DPP10: variants seen among roughly 807,000 people sequenced by gnomAD.
DPP10 encodes dipeptidyl peptidase like 10, also known as inactive dipeptidyl peptidase 10.
In DPP10, 33 loss-of-function variants were observed where a neutral mutation model predicts 120.9. The ratio of observed to expected loss-of-function variants is 0.27; its 90% CI spans 0.21 to 0.37. DPP10 has a LOEUF of 0.37. Ranked by LOEUF, DPP10 falls within the 10% of genes least tolerant of loss-of-function variation. DPP10 has a pLI of 1.00. For synonymous variants in DPP10, 337 were observed against 326.1 expected, an observed-to-expected ratio of 1.03 and a Z score of -0.36; for missense variants, 816 against 942.8, an observed-to-expected ratio of 0.87 and a Z score of 1.76.
chr2:115,397,500 A>G (rs2067767842), intron 3 of DPP10, among the ~76,000 whole-genome samples: 1 of 152,234 alleles, frequency 6.6e-6, no homozygotes, highest in African/African-American at 2.4e-5. Context: ...GTCTTCTGAC[A>G]TTCAATAAAA....
At chr2:115,703,530 C>T (rs2091975268) in intron 7 of DPP10, among the ~76,000 whole-genome samples, 1 of 151,960 alleles carries the variant, frequency 6.6e-6, no homozygotes, top group Non-Finnish European at 1.5e-5. Context: ...GTCTTGAGTC[C>T]TAAATCTGTC....
intron 1 of DPP10, among the ~76,000 whole-genome samples, chr2:115,055,343 A>C (rs939086616): frequency 1.3e-5 from 2 of 152,156 alleles, no homozygotes; most frequent in African/African-American, 4.8e-5. Flanking sequence ...TACTAATAAA[A>C]CTTACTCCAA....
At chr2:114,632,349 A>C (rs1045860876) in intron 1 of DPP10, among the ~76,000 whole-genome samples, 1 of 152,044 alleles carries the variant, frequency 6.6e-6, no homozygotes, top group Non-Finnish European at 1.5e-5. Flanking sequence ...ATACATTCTT[A>C]ATAAATTACA....
At chr2:115,328,903 G>A (rs56394941) in intron 2 of DPP10, among the ~76,000 whole-genome samples, 2 of 152,018 alleles carry the variant, frequency 1.3e-5, no homozygotes, top group African/African-American at 4.8e-5. Context: ...GGTTGAATTA[G>A]GACTAAAATA....
intron 3 of DPP10, among the ~76,000 whole-genome samples, chr2:115,436,979 A>G (rs2071556549): frequency 1.3e-5 from 2 of 151,940 alleles, no homozygotes; most frequent in African/African-American, 4.8e-5. Flanking sequence ...AAAGTATAAG[A>G]TACAATATTT....
chr2:115,547,765 CAAA>C (rs566808076), intron 5 of DPP10, among the ~76,000 whole-genome samples: 8 of 71,826 alleles, frequency 1.1e-4, no homozygotes, highest in Admixed American at 1.6e-4. Context: ...ATCCTATCTC[CAAA>C]AAAAAAAAAA....
At chr2:114,761,188 T>C (rs905807727) in intron 1 of DPP10, among the ~76,000 whole-genome samples, 1 of 152,180 alleles carries the variant, frequency 6.6e-6, no homozygotes, top group Non-Finnish European at 1.5e-5. Context: ...CAGTGTACAG[T>C]ATTCCAATGA....
chr2:115,134,311 C>T (rs768500990), intron 1 of DPP10, among the ~76,000 whole-genome samples: 6 of 152,202 alleles, frequency 3.9e-5, no homozygotes, highest in South Asian at 2.1e-4. Context: ...AGTAGCATTA[C>T]GTCAAATAAG....
chr2:115,421,246 C>G lies in DPP10; in HGVS notation c.271+77334C>G, dbSNP rs561981275. Among the ~76,000 whole-genome samples, 5 of 152,090 alleles carry G rather than the reference C, an allele frequency of 3.3e-5. 1 individual carries two copies. In the East Asian group the frequency reaches 9.7e-4, roughly 29 times the overall value. ...TGGTATGTCTAGGTCCAGAAATATACAAATATATGAGTAATATGAATTGTT... is the reference window on the plus strand; with the variant it reads ...TGGTATGTCTAGGTCCAGAAATATAGAAATATATGAGTAATATGAATTGTT... On this transcript the variant is annotated intron_variant, in intron 3 of 25. Transcript: ENST00000410059.
At chr2:114,847,308 C>G (rs895652715) in intron 1 of DPP10, among the ~76,000 whole-genome samples, 13 of 152,128 alleles carry the variant, frequency 8.5e-5, no homozygotes, top group African/African-American at 3.1e-4. Flanking sequence ...TCACCCTGAT[C>G]TTCTCCTGTC....
At chr2:115,544,205 G>A (rs900905366) in intron 5 of DPP10, among the ~76,000 whole-genome samples, 15 of 151,940 alleles carry the variant, frequency 9.9e-5, no homozygotes, top group Non-Finnish European at 1.3e-4. Flanking sequence ...TATGATATTT[G>A]TAGAATATTC....
chr2:115,172,592 C>T (rs2105071606), intron 1 of DPP10, among the ~76,000 whole-genome samples: 1 of 152,252 alleles, frequency 6.6e-6, no homozygotes, highest in East Asian at 1.9e-4. Context: ...ACCCTAGAAC[C>T]TTGACATACT....
At chr2:114,789,315 A>G (rs1558742947) in intron 1 of DPP10, among the ~76,000 whole-genome samples, 1 of 152,348 alleles carries the variant, frequency 6.6e-6, no homozygotes, top group Middle Eastern at 3.4e-3. Flanking sequence ...GGGAAGAAAG[A>G]TAAAGAAAAA....
intron 5 of DPP10, among the ~76,000 whole-genome samples, chr2:115,652,191 T>TA (rs2087846118): frequency 6.6e-6 from 1 of 152,088 alleles, no homozygotes; most frequent in African/African-American, 2.4e-5. Context: ...AATCAATTCA[T>TA]TTAATTATAC....
intron 1 of DPP10, among the ~76,000 whole-genome samples, chr2:114,591,977 C>T (rs894110491): frequency 6.6e-6 from 1 of 152,198 alleles, no homozygotes. Flanking sequence ...AAAAGTGATA[C>T]TAGAGACTTG....
chr2:115,187,991 G>A (rs2054578530), intron 1 of DPP10, among the ~76,000 whole-genome samples: 1 of 151,822 alleles, frequency 6.6e-6, no homozygotes, highest in African/African-American at 2.4e-5. Flanking sequence ...CTGCACTGAA[G>A]CCTGGGCAAC....
chr2:115,162,023 G>T lies in DPP10; in HGVS notation c.61-147216G>T. 3 of 1,399,932 alleles carry T rather than the reference G, an allele frequency of 2.1e-6. No homozygotes were observed. The South Asian group carries it at 4.8e-5, about 23-fold the overall frequency. The allele number at this position is 1,399,932 out of a possible 1,614,324, so 86.7% of individuals were successfully genotyped here. On this transcript the variant is annotated intron_variant, in intron 1 of 25. Coordinates refer to ENST00000410059, the MANE Select transcript of DPP10 (RefSeq NM_020868.6). ...CAGGGCGAGCCAGGCGCAGCCGGCG[G>T]ACCAGGTGAGAGTCGGCAGCCGCGG...
intron 3 of DPP10, among the ~76,000 whole-genome samples, chr2:115,425,881 T>C (rs1328882904): frequency 3.3e-5 from 5 of 152,106 alleles, no homozygotes; most frequent in Admixed American, 3.3e-4. Context: ...GGAGGAGCCA[T>C]GTCACATGGG....
At chr2:115,790,048 G>A (rs1169556280) in intron 17 of DPP10, among the ~76,000 whole-genome samples, 1 of 150,330 alleles carries the variant, frequency 6.7e-6, no homozygotes, top group African/African-American at 2.4e-5. Flanking sequence ...ATATGTGAAT[G>A]TATATATATG....
Sources: gnomAD v4.1 joint callset for allele counts (sites outside exome capture counted in the v4.1 genomes callset) on GRCh38, gnomAD v4.1.1 for gene constraint, MANE v1.5 for transcripts, NCBI Gene and HGNC (gene_info 2026-07-23, HGNC 2026-07-21) for gene names.